The following AGBL4 variants were observed in gnomAD, a reference collection of about 807,000 sequenced individuals.
The protein encoded by AGBL4 is cytosolic carboxypeptidase 6.
Under a neutral mutation model 66.4 loss-of-function variants are expected in AGBL4, and 58 were observed. The observed-to-expected ratio is 0.87, with a 90% CI of 0.71 to 1.09. The LOEUF is 1.09. AGBL4 is among the 50% of genes least tolerant of loss of function. AGBL4 has a pLI of 0.00. For synonymous variants in AGBL4, 234 were observed against 222.9 expected, an observed-to-expected ratio of 1.05 and a Z score of -0.44; for missense variants, 579 against 631.0, an observed-to-expected ratio of 0.92 and a Z score of 0.88.
chr1:48,724,916 G>A (rs1422471850), intron 6 of AGBL4, among the ~76,000 whole-genome samples: 1 of 152,188 alleles, frequency 6.6e-6, no homozygotes, highest in African/African-American at 2.4e-5. Context: ...TGCCAATTCA[G>A]TATTGACAGT....
chr1:49,623,365 T>C (rs985203498), intron 3 of AGBL4, among the ~76,000 whole-genome samples: 1 of 152,204 alleles, frequency 6.6e-6, no homozygotes, highest in Non-Finnish European at 1.5e-5. Context: ...TCCTTGATTC[T>C]AAAACCAAAA....
chr1:50,015,863 C>T (rs1331299250), intron 1 of AGBL4, among the ~76,000 whole-genome samples: 3 of 152,092 alleles, frequency 2.0e-5, no homozygotes, highest in Non-Finnish European at 4.4e-5. Context: ...ACTATCTGAT[C>T]TTCAACAAAG....
intron 3 of AGBL4, among the ~76,000 whole-genome samples, chr1:49,399,103 C>T (rs2148607427): frequency 6.6e-6 from 1 of 152,258 alleles, no homozygotes; most frequent in South Asian, 2.1e-4. Flanking sequence ...TAAAGTTTGT[C>T]TTTCTGTGCC....
chr1:49,973,690 T>C (rs1658329040), intron 1 of AGBL4, among the ~76,000 whole-genome samples: 1 of 148,540 alleles, frequency 6.7e-6, no homozygotes, highest in Admixed American at 6.7e-5. Context: ...TATATAGAAA[T>C]GATATTGTTA....
intron 3 of AGBL4, among the ~76,000 whole-genome samples, chr1:49,587,972 A>G (rs893075955): frequency 1.3e-5 from 2 of 152,172 alleles, no homozygotes; most frequent in Admixed American, 1.3e-4. Context: ...ATCAGGCCAC[A>G]TCATTTCCTT....
intron 11 of AGBL4, among the ~76,000 whole-genome samples, chr1:48,541,181 C>T (rs886773209): frequency 3.3e-5 from 5 of 152,204 alleles, no homozygotes; most frequent in Admixed American, 6.5e-5. Context: ...ACATGCCTTC[C>T]AGGACCCACT....
At chr1:49,502,695 G>A (rs1334232943) in intron 3 of AGBL4, among the ~76,000 whole-genome samples, 1 of 152,040 alleles carries the variant, frequency 6.6e-6, no homozygotes, top group African/African-American at 2.4e-5. Flanking sequence ...GGAAGTAATT[G>A]GGAAGAGGAA....
intron 3 of AGBL4, among the ~76,000 whole-genome samples, chr1:49,548,194 G>A (rs1237427986): frequency 6.6e-6 from 1 of 152,190 alleles, no homozygotes; most frequent in African/African-American, 2.4e-5. Context: ...GGTTCCAGGA[G>A]CTTTCTGGAA....
chr1:49,913,146 T>C (rs1449625744), intron 1 of AGBL4, among the ~76,000 whole-genome samples: 1 of 152,122 alleles, frequency 6.6e-6, no homozygotes, highest in Non-Finnish European at 1.5e-5. Context: ...AACTCAAAAG[T>C]CCATGGTCTA....
chr1:49,761,123 T>C (rs1652276403), intron 2 of AGBL4, among the ~76,000 whole-genome samples: 3 of 149,804 alleles, frequency 2.0e-5, no homozygotes, highest in Admixed American at 2.0e-4. Context: ...GTTCTGCACA[T>C]GCATCCCGTT....
intron 1 of AGBL4, among the ~76,000 whole-genome samples, chr1:49,927,205 C>A (rs1052796171): frequency 2.6e-5 from 4 of 152,150 alleles, no homozygotes; most frequent in Admixed American, 6.5e-5. Context: ...CACAGACACA[C>A]CCAGGATCAA....
At chr1:49,479,591 A>G (rs1222185706) in intron 3 of AGBL4, among the ~76,000 whole-genome samples, 2 of 151,796 alleles carry the variant, frequency 1.3e-5, no homozygotes, top group Non-Finnish European at 2.9e-5. Flanking sequence ...TTTGCTAAGG[A>G]TAACGGTGTC....
At chr1:49,564,811 T>A (rs1644150284) in intron 3 of AGBL4, among the ~76,000 whole-genome samples, 2 of 152,336 alleles carry the variant, frequency 1.3e-5, no homozygotes. Flanking sequence ...GTTCTGTAGA[T>A]GTCTATTAGG....
intron 3 of AGBL4, among the ~76,000 whole-genome samples, chr1:49,295,192 T>A (rs759803628): frequency 3.3e-5 from 5 of 152,194 alleles, no homozygotes; most frequent in Non-Finnish European, 7.3e-5. Flanking sequence ...TTGTACATAC[T>A]ACAGTGTAAG....
intron 6 of AGBL4, among the ~76,000 whole-genome samples, chr1:48,784,956 C>T (rs1205867196): frequency 6.6e-6 from 1 of 152,168 alleles, no homozygotes; most frequent in Non-Finnish European, 1.5e-5. Flanking sequence ...ATTGACCTAC[C>T]TCGGAAAAAT....
chr1:50,023,931 C>A lies in AGBL4; in HGVS notation c.-135G>T, dbSNP rs977454877. 26 of 1,025,058 alleles carry A rather than the reference C, an allele frequency of 2.5e-5. No homozygotes were observed. Among genetic ancestry groups the A allele is most frequent in the Non-Finnish European group, 3.0e-5 (22 of 744,684 alleles). 63.5% of individuals were successfully genotyped at this position (1,025,058 alleles called of 1,614,324 possible). A position where few individuals can be genotyped will look rare whatever the true frequency, so the allele number is the denominator to read the frequency against. ...GGTTGCCTGGGCAACGGGCGGCAGG[C>A]GCGCGGGTGGCCGGCGCGCGGCTGA... On this transcript the variant is annotated 5_prime_UTR_variant, in exon 1 of 14. Transcript: ENST00000371839.
At chr1:48,597,984 C>T (rs1309551073) in intron 9 of AGBL4, among the ~76,000 whole-genome samples, 3 of 152,038 alleles carry the variant, frequency 2.0e-5, no homozygotes, top group African/African-American at 7.2e-5. Context: ...TCAAAGAAGT[C>T]AGCCAAAGAA....
At chr1:49,085,428 C>G (rs774925001) in intron 4 of AGBL4, among the ~76,000 whole-genome samples, 13 of 151,968 alleles carry the variant, frequency 8.6e-5, no homozygotes, top group Non-Finnish European at 1.9e-4. Context: ...GGTTCTCTAG[C>G]TTGCAGGTAG....
intron 3 of AGBL4, among the ~76,000 whole-genome samples, chr1:49,620,886 A>AT (rs1645347452): frequency 2.0e-5 from 3 of 151,284 alleles, no homozygotes; most frequent in South Asian, 4.2e-4. Context: ...AAATTACTTG[A>AT]TTAAGTTATT....
Sources: gnomAD v4.1 joint callset for allele counts (sites outside exome capture counted in the v4.1 genomes callset) on GRCh38, gnomAD v4.1.1 for gene constraint, MANE v1.5 for transcripts, NCBI Gene and HGNC (gene_info 2026-07-23, HGNC 2026-07-21) for gene names.